The following KCNK9 variants were observed in gnomAD, a reference collection of about 807,000 sequenced individuals.
KCNK9 encodes the protein potassium channel subfamily K member 9.
In KCNK9, 1 loss-of-function variant was observed where a neutral mutation model predicts 10.8. The observed-to-expected ratio is 0.09, with a 90% CI of 0.03 to 0.44. The LOEUF (loss-of-function observed/expected upper bound fraction) is 0.44. Ranked by LOEUF, KCNK9 falls within the 20% of genes least tolerant of loss-of-function variation. The probability of loss-of-function intolerance (pLI) is 0.97; values close to 1 mark genes in which losing one functional copy is unlikely to be tolerated. For synonymous variants in KCNK9, 231 were observed against 222.7 expected (o/e 1.04, Z -0.33); for missense variants, 303 against 515.0 (o/e 0.59, Z 3.98).
rs1310541058 is a variant in KCNK9, at chr8:139,670,572, G to A, written c.283+32138C>T. Among the ~76,000 whole-genome samples the A allele has an allele frequency of 2.6e-5, 4 of 152,182 alleles. No individual in the cohort carries two copies. The South Asian group carries it at 6.2e-4, about 24-fold the overall frequency. On this transcript the variant is annotated intron_variant, in intron 1 of 1. Coordinates refer to ENST00000520439, the MANE Select transcript of KCNK9 (RefSeq NM_001282534.2). ...TGTACCTGGGTTATGTGCAAATACC[G>A]CACCATTTTATATCAGGGACTTGAA... is the stretch of plus-strand genomic sequence containing the variant.
Position 139,693,918 on chromosome 8 carries a change from T to C in KCNK9, c.283+8792A>G, listed in dbSNP as rs567840588. Among the ~76,000 whole-genome samples the C allele has an allele frequency of 1.3e-4, 20 of 152,038 alleles. No homozygotes were observed. The highest frequency in any genetic ancestry group is 3.9e-4 in the African/African-American group (16 of 41,460). On this transcript the variant is annotated intron_variant, in intron 1 of 1. Coordinates refer to ENST00000520439, the MANE Select transcript of KCNK9 (RefSeq NM_001282534.2). This position sits in a 1 kb window ranked among gnomAD's most constrained non-coding sequence, Gnocchi z 4.1. ...GCCATAGTATCCCAACAGAACTGAG[T>C]TGGGGAAATCTTACTCCTTGAATGA... is the stretch of plus-strand genomic sequence containing the variant.
intron 1 of KCNK9, among the ~76,000 whole-genome samples, chr8:139,676,065 G>C (rs1484546842): frequency 6.6e-6 from 1 of 152,208 alleles, no homozygotes; most frequent in Admixed American, 6.5e-5. Context: ...CAAAGCCCTA[G>C]AGAAGGGCAG....
At chr8:139,637,909 A>G (rs1194687895) in intron 1 of KCNK9, among the ~76,000 whole-genome samples, 1 of 151,880 alleles carries the variant, frequency 6.6e-6, no homozygotes, top group Non-Finnish European at 1.5e-5. Flanking sequence ...TGCCTCCTCC[A>G]TGCCCCTCTT....
At chr8:139,699,232 T>C (rs1817138718) in intron 1 of KCNK9, among the ~76,000 whole-genome samples, 1 of 152,180 alleles carries the variant, frequency 6.6e-6, no homozygotes, top group Admixed American at 6.5e-5. Context: ...TCATGGAGAC[T>C]CTAACTCTGT....
chr8:139,656,944 C>T (rs1337714793), intron 1 of KCNK9, among the ~76,000 whole-genome samples: 6 of 152,218 alleles, frequency 3.9e-5, no homozygotes, highest in Non-Finnish European at 5.9e-5. Flanking sequence ...CTCAGCCCTC[C>T]CCAGTGCAGC....
intron 1 of KCNK9, among the ~76,000 whole-genome samples, chr8:139,673,575 G>T (rs1197480414): frequency 6.6e-6 from 1 of 152,322 alleles, no homozygotes; most frequent in African/African-American, 2.4e-5. Context: ...TACAGATAGG[G>T]ACAGCAGGGT....
chr8:139,616,289 A>C (rs1166576443), downstream of KCNK9: 1 of 152,214 alleles, frequency 6.6e-6, no homozygotes, highest in Non-Finnish European at 1.5e-5. Context: ...AAGAGGAAAA[A>C]AAAAATTGAA....
chr8:139,660,665 T>C (rs1216006194), intron 1 of KCNK9, among the ~76,000 whole-genome samples: 1 of 151,924 alleles, frequency 6.6e-6, no homozygotes, highest in African/African-American at 2.4e-5. Context: ...AAAACTGACA[T>C]AGATGTGTTT....
At chr8:139,651,395 C>T (rs1815858495) in intron 1 of KCNK9, among the ~76,000 whole-genome samples, 1 of 152,228 alleles carries the variant, frequency 6.6e-6, no homozygotes, top group African/African-American at 2.4e-5. Flanking sequence ...CCACACCTGG[C>T]CACCTGTGGC....
intron 1 of KCNK9, among the ~76,000 whole-genome samples, chr8:139,701,579 G>A (rs1387391101): frequency 6.6e-6 from 1 of 152,082 alleles, no homozygotes; most frequent in African/African-American, 2.4e-5. Flanking sequence ...GGGCACAGGG[G>A]TGTGAAGCCC....
At chr8:139,690,165 G>T (rs186261858) in intron 1 of KCNK9, among the ~76,000 whole-genome samples, 106 of 151,828 alleles carry the variant, frequency 7.0e-4, no homozygotes, top group Non-Finnish European at 1.3e-3. Flanking sequence ...AACATAGTTA[G>T]CACAGACTCT....
rs528466559 is a variant in KCNK9, at chr8:139,629,454, C to T, written c.284-10355G>A. On this transcript the variant is annotated intron_variant, in intron 1 of 1. Transcript: ENST00000520439. ...TCACAGCCTAGCTTAACAGTCCAAACGTCCATCAGTGGATAGACGCCTAAA... is the reference window on the plus strand; with the variant it reads ...TCACAGCCTAGCTTAACAGTCCAAATGTCCATCAGTGGATAGACGCCTAAA... 7.2e-5 allele frequency among the ~76,000 whole-genome samples: 11 copies of T among 152,350 alleles called. No homozygotes were observed. The South Asian group carries it at 2.3e-3, about 32-fold the overall frequency.
At chr8:139,612,299 G>A (rs1384651823), downstream of KCNK9, 2 of 152,250 alleles carry the variant, frequency 1.3e-5, no homozygotes, top group Non-Finnish European at 2.9e-5. Flanking sequence ...GAACTTGTCA[G>A]AGCAAAGATC....
At position 139,702,752 on chromosome 8, in the gene KCNK9, C is replaced by A; in HGVS notation, c.241G>T (p.Ala81Ser). The A allele has an allele frequency of 1.2e-6, 2 of 1,612,894 alleles. No individual in the cohort carries two copies. Among genetic ancestry groups the A allele is most frequent in the Non-Finnish European group, 1.7e-6 (2 of 1,179,686 alleles). ...GTGATCGCAAAGTAGAAGGAGCCGG[C>A]GAATTTCCACTGGACGCCGGCGCGG... ...PHRAGVQWKFAGSFYFAITVI... is the reference protein window; with the variant it reads ...PHRAGVQWKFSGSFYFAITVI... The change falls in exon 1 of 2, where the codon GCC becomes TCC. Residue 81 changes from alanine to serine, a missense_variant. Physicochemically the swap from Ala to Ser is moderately conservative, Grantham distance 99 (BLOSUM62 1). Coordinates refer to ENST00000520439, the MANE Select transcript of KCNK9 (RefSeq NM_001282534.2). The surrounding 1 kb of genome is among the most constrained non-coding windows in gnomAD (Gnocchi z 7.5).
chr8:139,694,057 T>G (rs1586697566), intron 1 of KCNK9, among the ~76,000 whole-genome samples: 1 of 152,066 alleles, frequency 6.6e-6, no homozygotes. Context: ...CATTGGATGG[T>G]AGGAGCTTTT....
chr8:139,606,268 C>A (rs1050923701), intron 2 of KCNK9, among the ~76,000 whole-genome samples: 1 of 152,230 alleles, frequency 6.6e-6, no homozygotes, highest in South Asian at 2.1e-4. Flanking sequence ...TTCCATCACC[C>A]TCCCACAGGG....
chr8:139,628,360 C>T (rs906901665), intron 1 of KCNK9, among the ~76,000 whole-genome samples: 3 of 152,386 alleles, frequency 2.0e-5, no homozygotes, highest in South Asian at 2.1e-4. Flanking sequence ...CCCTGCACAG[C>T]GTGCCGAGGA....
chr8:139,692,428 C>A (rs948151706), intron 1 of KCNK9, among the ~76,000 whole-genome samples: 1 of 152,194 alleles, frequency 6.6e-6, no homozygotes, highest in African/African-American at 2.4e-5. Flanking sequence ...CTCCCTTTCA[C>A]GAAACACTCT....
At chr8:139,643,164 C>A (rs1170166582) in intron 1 of KCNK9, among the ~76,000 whole-genome samples, 1 of 152,214 alleles carries the variant, frequency 6.6e-6, no homozygotes, top group African/African-American at 2.4e-5. Flanking sequence ...GTTCCATTCC[C>A]ATCACTGCCC....
Sources: allele counts gnomAD v4.1 joint callset (sites outside exome capture counted in the v4.1 genomes callset), GRCh38; gene constraint gnomAD v4.1.1; non-coding constraint Gnocchi (gnomAD v3.1); transcripts MANE v1.5; gene names NCBI Gene and HGNC (gene_info 2026-07-23, HGNC 2026-07-21).